The following DTX2 variants were observed in gnomAD, a reference collection of about 807,000 sequenced individuals.
DTX2 encodes deltex E3 ubiquitin ligase 2.
DTX2 carries 29 observed loss-of-function variants against 55.3 expected under a neutral mutation model. That is an observed-to-expected ratio of 0.52 (90% CI 0.39 to 0.71). DTX2 has a LOEUF of 0.71. DTX2 is among the 30% of genes least tolerant of loss of function. The pLI, the probability that DTX2 is intolerant of heterozygous loss-of-function variation, is 0.00. For synonymous variants in DTX2, 276 were observed against 340.4 expected, an observed-to-expected ratio of 0.81 and a Z score of 2.08; for missense variants, 537 against 822.5, an observed-to-expected ratio of 0.65 and a Z score of 4.25.
chr7:76,482,896 C>T lies in DTX2; in HGVS notation c.657C>T (p.Thr219=). The T allele has an allele frequency of 6.2e-7, 1 of 1,613,886 alleles. No homozygotes were observed. Among genetic ancestry groups the T allele is most frequent in the South Asian group, 1.1e-5 (1 of 91,074 alleles). ...PVSGRYRHSM[T]NLPAYPVPQH... ...CAGGCCGCTACCGCCACTCCATGAC[C>T]AACCTCCCTGCATACCCCGTCCCCC... The change falls in exon 4 of 11, where the codon ACC becomes ACT. Residue 219 remains threonine, a synonymous_variant. Transcript: ENST00000430490.
Position 76,479,377 on chromosome 7 carries a change from G to T in DTX2, c.-89-1044G>T, listed in dbSNP as rs1158468494. 2.9e-5 allele frequency among the ~76,000 whole-genome samples: 3 copies of T among 102,930 alleles called. 1 individual carries two copies. The highest frequency in any genetic ancestry group is 5.8e-4 in the East Asian group (2 of 3,472). The allele number at this position is 102,930 out of a possible 152,430, so 67.5% of individuals were successfully genotyped here. A position where few individuals can be genotyped will look rare whatever the true frequency, so the allele number is the denominator to read the frequency against. ...AGGGGTGATTCGGTGCCCATCTAGG[G>T]CTTCCTTTTTGGTTAGCAATGCTTC... is the stretch of plus-strand genomic sequence containing the variant. On this transcript the variant is annotated intron_variant, in intron 2 of 10. Transcript: ENST00000430490.
intron 7 of DTX2, 22 bp from the exon 8 acceptor site, chr7:76,502,276 A>C (rs545321713): frequency 6.3e-7 from 1 of 1,585,954 alleles, no homozygotes; most frequent in African/African-American, 1.3e-5. Context: ...GGCGAGCATG[A>C]CCCATGTTTG....
In DTX2 at chr7:76,466,685, G is replaced by A. The variant is rs1260931289; in HGVS notation, c.-90+2976G>A. ...CGGCTCACTGCAACCTCCACCTCCC[G>A]GGTTCAAGCTACTCCCGATTCTCCT... On this transcript the variant is annotated intron_variant, in intron 2 of 10. Transcript: ENST00000430490. Among the ~76,000 whole-genome samples the A allele has an allele frequency of 7.2e-5, 11 of 152,216 alleles. No individual in the cohort carries two copies. In the East Asian group the frequency reaches 1.4e-3, roughly 19 times the overall value.
At chr7:76,498,905 AGTG>A (rs1811280381) in intron 6 of DTX2, among the ~76,000 whole-genome samples, 1 of 16,190 alleles carries the variant, frequency 6.2e-5, no homozygotes, top group Non-Finnish European at 1.1e-4. Flanking sequence ...GGAGGTGTGG[AGTG>A]TGTGTGGAGT....
intron 2 of DTX2, among the ~76,000 whole-genome samples, chr7:76,469,055 G>A (rs1301193950): frequency 7.6e-6 from 1 of 131,612 alleles, no homozygotes; most frequent in East Asian, 2.3e-4. Flanking sequence ...GTGAGCTACC[G>A]CATTCAGCCC....
chr7:76,475,284 C>G (rs1808424322), intron 2 of DTX2, among the ~76,000 whole-genome samples: 1 of 151,930 alleles, frequency 6.6e-6, no homozygotes, highest in African/African-American at 2.4e-5. Flanking sequence ...GCACTCCAGC[C>G]TGGGCAACAA....
At chr7:76,463,018 G>C (rs1395313609) in intron 1 of DTX2, among the ~76,000 whole-genome samples, 2 of 116,648 alleles carry the variant, frequency 1.7e-5, no homozygotes, top group African/African-American at 6.8e-5. Context: ...AGTGAGCTGT[G>C]ATCACACCAC....
At position 76,480,418 on chromosome 7, in the gene DTX2, C is replaced by T; in HGVS notation, c.-89-3C>T. The T allele has an allele frequency of 1.5e-6, 2 of 1,361,206 alleles. No homozygotes were observed. Among genetic ancestry groups the T allele is most frequent in the Non-Finnish European group, 9.9e-7 (1 of 1,012,328 alleles). The allele number at this position is 1,361,206 out of a possible 1,614,324, so 84.3% of individuals were successfully genotyped here. A position where few individuals can be genotyped will look rare whatever the true frequency, so the allele number is the denominator to read the frequency against. ...TAACTGCTCATGTCTGTCCTGTTCA[C>T]AGATCTGCCGGAGGCGCTGGGCAAT... On this transcript the variant is annotated splice_polypyrimidine_tract_variant and splice_region_variant and intron_variant, in intron 2 of 10. Coordinates refer to ENST00000430490, the MANE Select transcript of DTX2 (RefSeq NM_001102594.3).
chr7:76,495,578 C>T lies in DTX2; in HGVS notation c.1010-1759C>T, dbSNP rs1319919890. On this transcript the variant is annotated intron_variant, in intron 5 of 10. Coordinates refer to ENST00000430490, the MANE Select transcript of DTX2 (RefSeq NM_001102594.3). ...CATTGAAAAGGACACGTGTGTCACT[C>T]ATGCGGCCTCCTGGGGGCTGGTGGT... Among the ~76,000 whole-genome samples the T allele has an allele frequency of 3.3e-5, 5 of 149,786 alleles. No individual in the cohort carries two copies. In the East Asian group the frequency reaches 1.0e-3, roughly 30 times the overall value.
intron 5 of DTX2, among the ~76,000 whole-genome samples, chr7:76,492,472 G>C: frequency 8.4e-6 from 1 of 118,958 alleles, no homozygotes; most frequent in Non-Finnish European, 1.7e-5. Flanking sequence ...GACGGTGGGC[G>C]CTCGGGTGCA....
At chr7:76,477,846 C>G (rs1004946864) in intron 2 of DTX2, among the ~76,000 whole-genome samples, 2 of 143,304 alleles carry the variant, frequency 1.4e-5, no homozygotes, top group Non-Finnish European at 3.0e-5. Context: ...ATAAATGTCA[C>G]CTTTTATTAA....
rs1277438441 is a variant in DTX2, at chr7:76,496,361, C to T, written c.1010-976C>T. Among the ~76,000 whole-genome samples the T allele has an allele frequency of 5.9e-5, 5 of 84,434 alleles. 2 individuals are homozygous for T. Among genetic ancestry groups the T allele is most frequent in the Non-Finnish European group, 1.2e-4 (5 of 42,124 alleles). The allele number at this position is 84,434 out of a possible 152,430, so 55.4% of individuals were successfully genotyped here. A position where few individuals can be genotyped will look rare whatever the true frequency, so the allele number is the denominator to read the frequency against. On this transcript the variant is annotated intron_variant, in intron 5 of 10. Transcript: ENST00000430490. ...GATTTCTACCAACTCCCCCGGCAGC[C>T]GGCTGTGCCCAGCTCCTGAGCCAGG...
Position 76,502,468 on chromosome 7 carries a change from G to T in DTX2, c.1389+12G>T. On this transcript the variant is annotated intron_variant, in intron 8 of 10. Coordinates refer to ENST00000430490, the MANE Select transcript of DTX2 (RefSeq NM_001102594.3). ...GCAACGGCAATAAGGTGCCCCCACT[G>T]GCCCAGGGCGGAGGCGGGTGGCCCG... 6.2e-7 allele frequency: 1 copy of T among 1,609,324 alleles called. No homozygotes were observed. The highest frequency in any genetic ancestry group is 8.5e-7 in the Non-Finnish European group (1 of 1,178,696).
chr7:76,482,710 C>T lies in DTX2; in HGVS notation c.471C>T (p.Thr157=). The change falls in exon 4 of 11, where the codon ACC becomes ACT. Residue 157 remains threonine, a synonymous_variant. Coordinates refer to ENST00000430490, the MANE Select transcript of DTX2 (RefSeq NM_001102594.3). ...GGTACAACTACACTGTCAACTACAC[C>T]ACCCACACGCAGACCAACAAGACTT... is the stretch of plus-strand genomic sequence containing the variant. ...PLGYNYTVNY[T]THTQTNKTSS... is the part of the protein sequence containing the mutation. The T allele has an allele frequency of 6.2e-7, 1 of 1,613,828 alleles. No individual in the cohort carries two copies. The highest frequency in any genetic ancestry group is 8.5e-7 in the Non-Finnish European group (1 of 1,179,784).
At chr7:76,470,367 T>G in intron 2 of DTX2, 1 of 373,372 alleles carries the variant, frequency 2.7e-6, no homozygotes, top group Non-Finnish European at 4.8e-6. Flanking sequence ...TTTGTTGTCC[T>G]GGAAGTCATT....
intron 4 of DTX2, among the ~76,000 whole-genome samples, chr7:76,491,715 ACT>A (rs551683893): frequency 2.8e-3 from 295 of 103,812 alleles, no homozygotes; most frequent in African/African-American, 0.012. Flanking sequence ...ACAGGGTCTC[ACT>A]CTGTCGCCCA....
At chr7:76,469,738 C>G (rs1807676457) in intron 2 of DTX2, among the ~76,000 whole-genome samples, 2 of 148,684 alleles carry the variant, frequency 1.3e-5, no homozygotes, top group Non-Finnish European at 3.0e-5. Context: ...AAAAGCCAAA[C>G]CTTAGTAACC....
At chr7:76,502,613 C>T (rs1406960878) in intron 8 of DTX2, among the ~76,000 whole-genome samples, 157 bp downstream of exon 8, 1 of 152,192 alleles carries the variant, frequency 6.6e-6, no homozygotes, top group Non-Finnish European at 1.5e-5. Context: ...TTTCTAAAGG[C>T]CTGGCCGGCT....
chr7:76,502,316 G>C lies in DTX2; in HGVS notation c.1249G>C (p.Glu417Gln), dbSNP rs139847148. ...CCTCCAGGACTGCATCATCTGCATG[G>C]AGAAGCTGTCCACAGCGTCTGGATA... is the stretch of plus-strand genomic sequence containing the variant. ...PPDEDCIICM[E>Q]KLSTASGYSD... Residue 417 changes from glutamate to glutamine, a missense_variant, in exon 8 of 11, where the codon GAG (glutamate) becomes CAG (glutamine). Glu to Gln is a conservative substitution (Grantham distance 29). Transcript: ENST00000430490. 1.2e-6 allele frequency: 2 copies of C among 1,607,492 alleles called. No individual in the cohort carries two copies.
Sources: gnomAD v4.1 joint callset for allele counts (sites outside exome capture counted in the v4.1 genomes callset) on GRCh38, gnomAD v4.1.1 for gene constraint, MANE v1.5 for transcripts, NCBI Gene and HGNC (gene_info 2026-07-23, HGNC 2026-07-21) for gene names.